The following PI4K2B variants were observed in gnomAD, a reference collection of about 807,000 sequenced individuals.
PI4K2B encodes the protein phosphatidylinositol 4-kinase type 2 beta, also known as phosphatidylinositol 4-kinase type 2-beta.
PI4K2B carries 46 observed loss-of-function variants against 56.6 expected under a neutral mutation model. The observed-to-expected ratio is 0.81, with a 90% CI of 0.64 to 1.04. The LOEUF (loss-of-function observed/expected upper bound fraction) is 1.04. Ranked by LOEUF, PI4K2B falls within the 50% of genes least tolerant of loss-of-function variation. The probability of loss-of-function intolerance (pLI) is 0.00; values close to 1 mark genes in which losing one functional copy is unlikely to be tolerated. For missense variants in PI4K2B, 556 were observed against 607.7 expected (o/e 0.91, Z 0.89); for synonymous variants, 211 against 223.8 (o/e 0.94, Z 0.51).
At chr4:25,270,043 A>G (rs143450743) in intron 9 of PI4K2B, among the ~76,000 whole-genome samples, 4 of 152,156 alleles carry the variant, frequency 2.6e-5, no homozygotes, top group East Asian at 3.9e-4. Context: ...ACCTTGTTGT[A>G]TACTGTTTAT....
Position 25,255,587 on chromosome 4 carries a change from G to C in PI4K2B, c.624+322G>C, listed in dbSNP as rs550621085. Among the ~76,000 whole-genome samples the C allele has an allele frequency of 2.0e-5, 3 of 152,318 alleles. No homozygotes were observed. In the South Asian group the frequency reaches 6.2e-4, roughly 32 times the overall value. ...AGATAACCAATGTGCTTAAAGACTTGTATTGTCCTTTCAGCCTTTATACAA... is the reference window on the plus strand; with the variant it reads ...AGATAACCAATGTGCTTAAAGACTTCTATTGTCCTTTCAGCCTTTATACAA... On this transcript the variant is annotated intron_variant, in intron 3 of 9. Transcript: ENST00000264864.
rs1372833883 is a variant in PI4K2B at position 25,268,537 on chromosome 4, T to C, written c.1173T>C (p.Phe391=). The change falls in exon 8 of 10, where the codon TTT becomes TTC. Residue 391 remains phenylalanine (F), a synonymous_variant. Coordinates refer to ENST00000264864, the MANE Select transcript of PI4K2B (RefSeq NM_018323.4). The stretch of plus-strand genomic sequence containing the variant: ...TACCATATATTTCTGACATGAACTT[T>C]GTGCAAGATTTATGTGAAGATCTCT... The part of the protein sequence containing the change: ...LILPYISDMN[F]VQDLCEDLYE... The C allele has an allele frequency of 6.3e-7, 1 of 1,594,956 alleles. No homozygotes were observed. Among genetic ancestry groups the C allele is most frequent in the East Asian group, 2.2e-5 (1 of 44,650 alleles).
In PI4K2B at chr4:25,278,389, T is replaced by G; in HGVS notation, c.*1202T>G. 1 of 152,362 alleles carries G rather than the reference T, an allele frequency of 6.6e-6. No homozygotes were observed. Among genetic ancestry groups the G allele is most frequent in the Non-Finnish European group, 1.5e-5 (1 of 68,024 alleles). 9.4% of individuals were successfully genotyped at this position (152,362 alleles called of 1,614,324 possible). On this transcript the variant is annotated 3_prime_UTR_variant, in exon 10 of 10. Coordinates refer to ENST00000264864, the MANE Select transcript of PI4K2B (RefSeq NM_018323.4). ...GAGGCTTAAAACCAATGTCACCACT[T>G]GGGCTTAACTGGGTAATTTGTGGTC...
intron 1 of PI4K2B, among the ~76,000 whole-genome samples, chr4:25,245,320 G>A (rs889102312): frequency 2.0e-5 from 3 of 152,156 alleles, no homozygotes; most frequent in Non-Finnish European, 4.4e-5. Flanking sequence ...GGAGAAGAGA[G>A]GCGAGAGGAA....
At position 25,239,246 on chromosome 4, in the gene PI4K2B, C is replaced by T. The variant is rs561962579; in HGVS notation, c.268+4815C>T. 1.4e-4 allele frequency among the ~76,000 whole-genome samples: 21 copies of T among 152,312 alleles called. No homozygotes were observed. In the South Asian group the frequency reaches 3.3e-3, roughly 24 times the overall value. The stretch of plus-strand genomic sequence containing the variant: ...CAGTCCCGTGCCTTGCGCCCACACT[C>T]CTCAGCCCTTGGGTGGTCGATGGGA... On this transcript the variant is annotated intron_variant, in intron 1 of 9. Transcript: ENST00000264864.
At chr4:25,249,631 G>A (rs868737568) in intron 1 of PI4K2B, among the ~76,000 whole-genome samples, 28 of 150,736 alleles carry the variant, frequency 1.9e-4, no homozygotes, top group African/African-American at 5.4e-4. Context: ...TGTGGCGGCC[G>A]GTCAGAGACA....
chr4:25,268,944 A>C (rs1363073988), intron 8 of PI4K2B, among the ~76,000 whole-genome samples, 200 bp from the exon 9 acceptor site: 2 of 152,228 alleles, frequency 1.3e-5, no homozygotes, highest in Non-Finnish European at 2.9e-5. Flanking sequence ...GAACAAGTTC[A>C]GGTCCAAATA....
Position 25,252,458 on chromosome 4 carries a change from G to A in PI4K2B, c.406G>A (p.Val136Met), listed in dbSNP as rs1273225794. 6.2e-7 allele frequency: 1 copy of A among 1,610,536 alleles called. No individual in the cohort carries two copies. The highest frequency in any genetic ancestry group is 1.1e-5 in the South Asian group (1 of 90,986). ...ISQGSSGSYF[V>M]KDPKRKIIGV... ...TCAAGGTTCAAGTGGAAGTTACTTT[G>A]TGAAGGATCCTAAGAGGGTGAGAAT... Residue 136 changes from valine to methionine, a missense_variant, in exon 2 of 10, where the codon GTG (valine) becomes ATG (methionine). Physicochemically the swap from Val to Met is conservative, Grantham distance 21. Transcript: ENST00000264864.
At chr4:25,261,290 A>T (rs543174204) in intron 6 of PI4K2B, among the ~76,000 whole-genome samples, 1 of 152,274 alleles carries the variant, frequency 6.6e-6, no homozygotes, top group Admixed American at 6.5e-5. Context: ...CACTGAACTT[A>T]AAAAAAGTAT....
chr4:25,263,083 A>G (rs944147887), intron 6 of PI4K2B, among the ~76,000 whole-genome samples: 4 of 152,140 alleles, frequency 2.6e-5, no homozygotes, highest in African/African-American at 9.7e-5. Context: ...ATCAAATCTC[A>G]TGAGAACTCA....
At chr4:25,258,257 G>T (rs1251669191) in intron 4 of PI4K2B, among the ~76,000 whole-genome samples, 1 of 138,326 alleles carries the variant, frequency 7.2e-6, no homozygotes, top group Non-Finnish European at 1.5e-5. Context: ...GCCTAGGTTG[G>T]AGTGCAGTGG....
chr4:25,251,013 C>CGTG (rs55730163), intron 1 of PI4K2B, among the ~76,000 whole-genome samples: 107,730 of 151,626 alleles, frequency 0.71, 38,679 homozygotes, highest in Non-Finnish European at 0.77. Context: ...CTTTGGGAGG[C>CGTG]GTAAAGGTGA....
chr4:25,250,967 C>A (rs1421651196), intron 1 of PI4K2B, among the ~76,000 whole-genome samples: 1 of 151,808 alleles, frequency 6.6e-6, no homozygotes, highest in African/African-American at 2.4e-5. Flanking sequence ...TTTGGAGGTG[C>A]CAGCAACTGC....
intron 9 of PI4K2B, chr4:25,276,310 G>C (rs1450154011): frequency 2.7e-6 from 1 of 372,440 alleles, no homozygotes; most frequent in African/African-American, 2.2e-5. Flanking sequence ...AACATGATAT[G>C]TAATATATTT....
intron 1 of PI4K2B, among the ~76,000 whole-genome samples, chr4:25,234,701 C>G (rs1437869850): frequency 6.6e-6 from 1 of 152,228 alleles, no homozygotes; most frequent in Non-Finnish European, 1.5e-5. Flanking sequence ...GTCAAAACTT[C>G]TAGAAACCGA....
intron 1 of PI4K2B, among the ~76,000 whole-genome samples, chr4:25,240,072 T>C (rs1312236522): frequency 2.0e-5 from 3 of 152,130 alleles, no homozygotes; most frequent in Non-Finnish European, 2.9e-5. Context: ...AGGTTAAAAA[T>C]ACAGGGTCCA....
At chr4:25,268,049 G>A (rs998180875) in intron 7 of PI4K2B, among the ~76,000 whole-genome samples, 3 of 152,090 alleles carry the variant, frequency 2.0e-5, no homozygotes, top group African/African-American at 2.4e-5. Flanking sequence ...TCTTGCCACT[G>A]CACTCCAGCC....
chr4:25,241,698 T>C (rs905540736), intron 1 of PI4K2B, among the ~76,000 whole-genome samples: 5 of 152,242 alleles, frequency 3.3e-5, no homozygotes, highest in African/African-American at 1.2e-4. Flanking sequence ...CTGCTGCAAC[T>C]ACACTTAAAC....
intron 9 of PI4K2B, among the ~76,000 whole-genome samples, chr4:25,275,682 A>C (rs1717066903): frequency 6.6e-6 from 1 of 152,114 alleles, no homozygotes; most frequent in Non-Finnish European, 1.5e-5. Flanking sequence ...AACAAAACAA[A>C]AAAAAAGAAA....
Sources: gnomAD v4.1 joint callset for allele counts (sites outside exome capture counted in the v4.1 genomes callset) on GRCh38, gnomAD v4.1.1 for gene constraint, MANE v1.5 for transcripts, NCBI Gene and HGNC (gene_info 2026-07-23, HGNC 2026-07-21) for gene names.